The following MMUT variants were observed in gnomAD, a reference collection of about 807,000 sequenced individuals.
The protein encoded by MMUT is methylmalonyl-CoA mutase.
Under a neutral mutation model 79.9 loss-of-function variants are expected in MMUT, and 79 were observed. The observed-to-expected ratio is 0.99, with a 90% confidence interval of 0.82 to 1.19. MMUT has a LOEUF of 1.19. MMUT is among the 50% of genes most tolerant of loss of function. The pLI, the probability that MMUT is intolerant of heterozygous loss-of-function variation, is 0.00. For missense variants in MMUT, 860 were observed against 917.2 expected (o/e 0.94, Z 0.81); for synonymous variants, 273 against 295.7 (o/e 0.92, Z 0.79).
intron 6 of MMUT, among the ~76,000 whole-genome samples, chr6:49,449,912 A>T (rs1430131536): frequency 6.6e-6 from 1 of 152,116 alleles, no homozygotes; most frequent in Non-Finnish European, 1.5e-5. Context: ...AACACAGAAA[A>T]AAAAGGCAAA....
intron 10 of MMUT, 115 bp from the exon 11 acceptor site, chr6:49,440,468 G>A: frequency 8.9e-7 from 1 of 1,121,526 alleles, no homozygotes; most frequent in Non-Finnish European, 1.3e-6. Context: ...CACCTAATTT[G>A]TTTACTTGTA....
At chr6:49,450,821 T>C (rs1001792624) in intron 6 of MMUT, among the ~76,000 whole-genome samples, 1 of 151,866 alleles carries the variant, frequency 6.6e-6, no homozygotes, top group Non-Finnish European at 1.5e-5. Flanking sequence ...AGAGGAGAAA[T>C]GAAAATATAT....
intron 2 of MMUT, among the ~76,000 whole-genome samples, 182 bp from the exon 3 acceptor site, chr6:49,458,240 T>C (rs1444179163): frequency 6.6e-6 from 1 of 152,148 alleles, no homozygotes; most frequent in Non-Finnish European, 1.5e-5. Context: ...CTTAAGAGAG[T>C]CAGTTGTTTC....
intron 11 of MMUT, among the ~76,000 whole-genome samples, chr6:49,439,392 GC>G (rs1328754208): frequency 1.8e-4 from 27 of 152,250 alleles, no homozygotes; most frequent in African/African-American, 5.3e-4. Flanking sequence ...ATGGGGGCCT[GC>G]CAAAGGCTCC....
intron 10 of MMUT, among the ~76,000 whole-genome samples, 162 bp downstream of exon 10, chr6:49,441,678 A>G (rs1252188896): frequency 2.0e-5 from 3 of 148,604 alleles, no homozygotes; most frequent in Non-Finnish European, 4.5e-5. Context: ...ACTCTATTAT[A>G]TGTTATATAG....
At chr6:49,442,120 G>T in intron 9 of MMUT, 149 bp from the exon 10 acceptor site, 1 of 911,634 alleles carries the variant, frequency 1.1e-6, no homozygotes, top group Non-Finnish European at 1.6e-6. Flanking sequence ...CATTATGAAA[G>T]CATCTCTTCT....
intron 9 of MMUT, among the ~76,000 whole-genome samples, chr6:49,443,316 A>G (rs1225671288): frequency 6.6e-6 from 1 of 152,144 alleles, no homozygotes; most frequent in Non-Finnish European, 1.5e-5. Flanking sequence ...CATGCTTATT[A>G]CCCATTACAA....
At chr6:49,436,417 C>A (rs1272893131) in intron 11 of MMUT, among the ~76,000 whole-genome samples, 1 of 151,858 alleles carries the variant, frequency 6.6e-6, no homozygotes, top group Non-Finnish European at 1.5e-5. Flanking sequence ...ACCAGCCTGG[C>A]CAACATGGTG....
chr6:49,440,156 G>T, intron 11 of MMUT, 50 bp downstream of exon 11: 1 of 1,599,864 alleles, frequency 6.3e-7, no homozygotes, highest in South Asian at 1.1e-5. Flanking sequence ...TTTTCTAAAT[G>T]TAAGTGACTA....
At chr6:49,443,446 C>T (rs1767330257) in intron 9 of MMUT, among the ~76,000 whole-genome samples, 1 of 152,028 alleles carries the variant, frequency 6.6e-6, no homozygotes, top group Non-Finnish European at 1.5e-5. Context: ...ATCAAAGGAA[C>T]TAGCCCAAAA....
intron 12 of MMUT, among the ~76,000 whole-genome samples, chr6:49,432,596 C>T (rs1767009475): frequency 6.6e-6 from 1 of 152,094 alleles, no homozygotes; most frequent in African/African-American, 2.4e-5. Flanking sequence ...ACCACGTTAG[C>T]CAGGATGGTC....
intron 11 of MMUT, among the ~76,000 whole-genome samples, chr6:49,437,488 C>A (rs1311290519): frequency 6.6e-6 from 1 of 151,984 alleles, no homozygotes; most frequent in Non-Finnish European, 1.5e-5. Context: ...GTACTTATCA[C>A]TTTTGGTTTT....
intron 5 of MMUT, among the ~76,000 whole-genome samples, chr6:49,453,065 T>A (rs1170292745): frequency 2.2e-5 from 3 of 138,874 alleles, no homozygotes; most frequent in African/African-American, 7.9e-5. Context: ...TTTTTAGACG[T>A]AGTTGTGCTC....
At chr6:49,433,555 T>C (rs1359132868) in intron 12 of MMUT, among the ~76,000 whole-genome samples, 3 of 152,176 alleles carry the variant, frequency 2.0e-5, no homozygotes, top group Non-Finnish European at 4.4e-5. Context: ...GCCTGCTTCA[T>C]GATGGAAGCA....
rs1324369080 is a variant in MMUT, at chr6:49,431,230, G to A, written c.*498C>T. On this transcript the variant is annotated 3_prime_UTR_variant, in exon 13 of 13. Coordinates refer to ENST00000274813, the MANE Select transcript of MMUT (RefSeq NM_000255.4). ...ATTAAGGTGATTCTGGTAGAATTTG[G>A]CTGAGGACTCCTCCCAAAATCTCTT... The A allele has an allele frequency of 6.6e-6, 1 of 152,460 alleles. No individual in the cohort carries two copies. The highest frequency in any genetic ancestry group is 1.5e-5 in the Non-Finnish European group (1 of 68,326). 9.4% of individuals were successfully genotyped at this position (152,460 alleles called of 1,614,324 possible).
At chr6:49,443,139 C>T (rs1767321083) in intron 9 of MMUT, among the ~76,000 whole-genome samples, 1 of 152,120 alleles carries the variant, frequency 6.6e-6, no homozygotes, top group Non-Finnish European at 1.5e-5. Flanking sequence ...CTTTTCTGCA[C>T]ATCCTGTGGA....
At chr6:49,443,730 A>G (rs1767338444) in intron 9 of MMUT, 3 of 410,204 alleles carry the variant, frequency 7.3e-6, no homozygotes, top group Non-Finnish European at 1.5e-5. Flanking sequence ...ATTTTTAATG[A>G]TTTAATGTCT....
chr6:49,431,762 T>C lies in MMUT; in HGVS notation c.2219A>G (p.Glu740Gly). The change falls in exon 13 of 13, where the codon GAG (glutamate) becomes GGG (glycine). Residue 740 changes from glutamate to glycine, a missense_variant. Transcript: ENST00000274813. The stretch of plus-strand genomic sequence containing the variant: ...TTGCTGCTTCTTTTCCAAACACTTC[T>C]CAATATCATCAAGCACCTGAACGGC... ...KAAVQVLDDI[E>G]KCLEKKQQSV is the part of the protein sequence containing the mutation. 2 of 1,613,958 alleles carry C rather than the reference T, an allele frequency of 1.2e-6. No homozygotes were observed. The highest frequency in any genetic ancestry group is 1.7e-6 in the Non-Finnish European group (2 of 1,179,916).
At position 49,453,314 on chromosome 6, in the gene MMUT, G is replaced by A. The variant is rs564057424; in HGVS notation, c.1083+271C>T. 3.3e-5 allele frequency among the ~76,000 whole-genome samples: 5 copies of A among 151,918 alleles called. No homozygotes were observed. In the South Asian group the frequency reaches 1.0e-3, roughly 31 times the overall value. On this transcript the variant is annotated intron_variant, in intron 5 of 12. Coordinates refer to ENST00000274813, the MANE Select transcript of MMUT (RefSeq NM_000255.4). ...GGTGTGAGCCAACTCGCCCAGCCTT[G>A]TTTACTTTTACAAGTGTTTCAGCAC...
Sources: allele counts gnomAD v4.1 joint callset (sites outside exome capture counted in the v4.1 genomes callset), GRCh38; gene constraint gnomAD v4.1.1; transcripts MANE v1.5; gene names NCBI Gene and HGNC (gene_info 2026-07-23, HGNC 2026-07-21).